Variants in ATRNL1 observed in about 807,000 individuals in gnomAD.
ATRNL1 encodes attractin like 1.
A neutral mutation model predicts 182.7 loss-of-function variants in ATRNL1; 95 were observed. The observed-to-expected ratio is 0.52, with a 90% confidence interval of 0.44 to 0.62. The LOEUF is 0.62. Ranked by LOEUF, ATRNL1 falls within the 20% of genes least tolerant of loss-of-function variation. The pLI is 0.00. For synonymous variants in ATRNL1, 576 were observed against 568.3 expected, an observed-to-expected ratio of 1.01 and a Z score of -0.19; for missense variants, 1,471 against 1,679.5, an observed-to-expected ratio of 0.88 and a Z score of 2.17.
intron 21 of ATRNL1, among the ~76,000 whole-genome samples, chr10:115,430,092 T>C (rs1158207031): frequency 6.6e-6 from 1 of 152,034 alleles, no homozygotes; most frequent in Admixed American, 6.6e-5. Flanking sequence ...ACAAAAAAGT[T>C]TTCCATTCTA....
At chr10:115,895,014 C>T (rs1203377459) in intron 28 of ATRNL1, among the ~76,000 whole-genome samples, 2 of 152,094 alleles carry the variant, frequency 1.3e-5, no homozygotes, top group Admixed American at 6.5e-5. Context: ...TTGCCGTGTG[C>T]ATGAGATCCA....
chr10:115,363,619 C>G (rs1258826607), intron 19 of ATRNL1, among the ~76,000 whole-genome samples: 1 of 151,050 alleles, frequency 6.6e-6, no homozygotes, highest in Non-Finnish European at 1.5e-5. Context: ...ATGGTAATGC[C>G]TAGGTTTTCT....
intron 26 of ATRNL1, among the ~76,000 whole-genome samples, chr10:115,639,320 C>CA (rs1252395224): frequency 6.6e-6 from 1 of 152,122 alleles, no homozygotes; most frequent in African/African-American, 2.4e-5. Context: ...GAAAGGGAAA[C>CA]AAAAACACTG....
chr10:115,100,319 A>T (rs1452182204), intron 1 of ATRNL1, among the ~76,000 whole-genome samples: 2 of 152,152 alleles, frequency 1.3e-5, no homozygotes, highest in African/African-American at 2.4e-5. Flanking sequence ...AAATAAAAAA[A>T]AAAAGAAAAC....
chr10:115,828,441 A>C (rs1555092653), intron 27 of ATRNL1, among the ~76,000 whole-genome samples: 2 of 151,706 alleles, frequency 1.3e-5, no homozygotes, highest in Admixed American at 1.3e-4. Context: ...AAATCAAGGA[A>C]ATAAAGCAGA....
chr10:115,294,543 G>T (rs566894756), intron 15 of ATRNL1, among the ~76,000 whole-genome samples: 6 of 152,134 alleles, frequency 3.9e-5, no homozygotes, highest in African/African-American at 1.4e-4. Context: ...TCTCACTGAA[G>T]TTCCTTAAGA....
At chr10:115,835,592 C>T (rs1489417062) in intron 27 of ATRNL1, among the ~76,000 whole-genome samples, 2 of 152,168 alleles carry the variant, frequency 1.3e-5, no homozygotes, top group Non-Finnish European at 2.9e-5. Flanking sequence ...GCCCAATAAC[C>T]TTATCTATAC....
intron 1 of ATRNL1, among the ~76,000 whole-genome samples, chr10:115,107,793 AGCT>A (rs1156867923): frequency 1.3e-5 from 2 of 152,194 alleles, no homozygotes; most frequent in African/African-American, 4.8e-5. Context: ...TACTTTTCAG[AGCT>A]GCAGCCAGAG....
intron 24 of ATRNL1, among the ~76,000 whole-genome samples, chr10:115,505,930 C>CA (rs1554981195): frequency 7.9e-5 from 12 of 151,096 alleles, no homozygotes; most frequent in Non-Finnish European, 1.8e-4. Flanking sequence ...GATTCAGGAA[C>CA]CAAACCCAGG....
intron 26 of ATRNL1, among the ~76,000 whole-genome samples, chr10:115,614,385 T>C (rs1857324367): frequency 6.6e-6 from 1 of 152,172 alleles, no homozygotes; most frequent in South Asian, 2.1e-4. Context: ...TAAGAAGATA[T>C]GTGATGTGAT....
chr10:115,844,896 G>C (rs1475283480), intron 27 of ATRNL1, among the ~76,000 whole-genome samples: 2 of 152,000 alleles, frequency 1.3e-5, no homozygotes, highest in Non-Finnish European at 2.9e-5. Context: ...TTTGATTCAT[G>C]GTTATGTAGT....
chr10:115,774,814 A>G (rs1343940376), intron 27 of ATRNL1, among the ~76,000 whole-genome samples: 2 of 151,786 alleles, frequency 1.3e-5, no homozygotes, highest in Admixed American at 6.6e-5. Context: ...GCTAGCACTT[A>G]TAACACTTCT....
chr10:115,541,919 T>C (rs1210492414), intron 25 of ATRNL1, among the ~76,000 whole-genome samples: 1 of 152,174 alleles, frequency 6.6e-6, no homozygotes, highest in Non-Finnish European at 1.5e-5. Context: ...TACTTAGGGT[T>C]TCTCTATTGT....
chr10:115,271,964 C>T (rs75961132), intron 13 of ATRNL1, among the ~76,000 whole-genome samples: 1 of 152,138 alleles, frequency 6.6e-6, no homozygotes, highest in African/African-American at 2.4e-5. Context: ...CTTGTTGATA[C>T]GTGAGCTCTT....
chr10:115,489,841 A>G (rs1024429719), intron 24 of ATRNL1, among the ~76,000 whole-genome samples: 1 of 152,134 alleles, frequency 6.6e-6, no homozygotes, highest in South Asian at 2.1e-4. Context: ...GCAATTTGGT[A>G]TGTTTTTGCA....
At chr10:115,383,813 T>C (rs1375916903) in intron 19 of ATRNL1, among the ~76,000 whole-genome samples, 2 of 151,794 alleles carry the variant, frequency 1.3e-5, no homozygotes, top group African/African-American at 4.8e-5. Flanking sequence ...AAAGACAGCA[T>C]GATGTATGTT....
rs553771792 is a variant in ATRNL1 at position 115,785,630 on chromosome 10, T to G, written c.3903+58275T>G. 1.8e-4 allele frequency among the ~76,000 whole-genome samples: 28 copies of G among 152,318 alleles called. No individual in the cohort carries two copies. In the South Asian group the frequency reaches 4.6e-3, roughly 25 times the overall value. Reference sequence around the variant, plus strand: ...ATCTGTTAACCACACACCTAATCTATTCAATGAAATGTCCAGCTACAACCT... The same window carrying G: ...ATCTGTTAACCACACACCTAATCTAGTCAATGAAATGTCCAGCTACAACCT... On this transcript the variant is annotated intron_variant, in intron 27 of 28. Coordinates refer to ENST00000355044, the MANE Select transcript of ATRNL1 (RefSeq NM_207303.4).
chr10:115,874,135 C>T (rs879976530), intron 28 of ATRNL1, among the ~76,000 whole-genome samples: 3 of 152,182 alleles, frequency 2.0e-5, no homozygotes, highest in Admixed American at 1.3e-4. Flanking sequence ...CTTCTGACAG[C>T]CTGCTGGAGA....
At chr10:115,172,330 A>G (rs1270816099) in intron 8 of ATRNL1, among the ~76,000 whole-genome samples, 1 of 151,746 alleles carries the variant, frequency 6.6e-6, no homozygotes, top group Non-Finnish European at 1.5e-5. Context: ...TATATCACCT[A>G]TTACTTCACC....
Sources: allele counts gnomAD v4.1 joint callset (sites outside exome capture counted in the v4.1 genomes callset), GRCh38; gene constraint gnomAD v4.1.1; transcripts MANE v1.5; gene names NCBI Gene and HGNC (gene_info 2026-07-23, HGNC 2026-07-21).